Variants in CD24 observed in about 807,000 individuals in gnomAD.
CD24 encodes the protein signal transducer CD24.
A neutral mutation model predicts 3.6 loss-of-function variants in CD24; 2 were observed. That is an observed-to-expected ratio of 0.56 (90% CI 0.23 to 1.77). CD24 has a LOEUF of 1.77. Among genes scored for constraint, CD24 ranks in the 40% most tolerant of loss-of-function variants. CD24 has a pLI of 0.18. For missense variants in CD24, 62 were observed against 93.6 expected (o/e 0.66, Z 1.39); for synonymous variants, 33 against 44.9 (o/e 0.74, Z 1.06).
Position 106,973,108 on chromosome 6 carries a change from G to A in CD24, c.70-1274C>T, listed in dbSNP as rs1773013151. On this transcript the variant is annotated intron_variant, in intron 1 of 1. Transcript: ENST00000606017. ...ACAGGGTGCCTGTTTTGGACACCTTGTTTGGGATCCCGCAAAGTAACCTGT... is the reference window on the plus strand; with the variant it reads ...ACAGGGTGCCTGTTTTGGACACCTTATTTGGGATCCCGCAAAGTAACCTGT... 3.3e-5 allele frequency among the ~76,000 whole-genome samples: 5 copies of A among 152,160 alleles called. No individual in the cohort carries two copies. In the South Asian group the frequency reaches 1.0e-3, roughly 31 times the overall value.
At chr6:106,973,816 G>C in intron 1 of CD24, 1 of 398,550 alleles carries the variant, frequency 2.5e-6, no homozygotes, top group East Asian at 3.6e-5. Flanking sequence ...GGAGGATCTA[G>C]GGAGACCGCG....
In CD24 at chr6:106,971,601, C is replaced by T. The variant is rs1278713757; in HGVS notation, c.*60G>A. 4 of 1,428,132 alleles carry T rather than the reference C, an allele frequency of 2.8e-6. No homozygotes were observed. The highest frequency in any genetic ancestry group is 3.8e-6 in the Non-Finnish European group (4 of 1,050,414). The allele number at this position is 1,428,132 out of a possible 1,614,324, so 88.5% of individuals were successfully genotyped here. ...CCTTGCCACATTGGACTTCCAGACG[C>T]CATTTGGATTGGGTTTAGAAGATGG... On this transcript the variant is annotated 3_prime_UTR_variant, in exon 2 of 2. Transcript: ENST00000606017.
In CD24 at chr6:106,970,180, G is replaced by A. The variant is rs1772935232; in HGVS notation, c.*1481C>T. The A allele has an allele frequency of 1.3e-5, 2 of 152,380 alleles. No homozygotes were observed. Among genetic ancestry groups the A allele is most frequent in the Non-Finnish European group, 2.9e-5 (2 of 68,040 alleles). 9.4% of individuals were successfully genotyped at this position (152,380 alleles called of 1,614,324 possible). On this transcript the variant is annotated 3_prime_UTR_variant, in exon 2 of 2. Coordinates refer to ENST00000606017, the MANE Select transcript of CD24 (RefSeq NM_001359084.1). ...TTTTAAAAAGGTTTATGTGTGTCGA[G>A]GCAGTTGTAAAAGATTTACTGCAGA...
chr6:106,974,846 C>T (rs1489135026), upstream of CD24: 1 of 315,300 alleles, frequency 3.2e-6, no homozygotes. Context: ...TCCCCGCCTT[C>T]CCCGCCCCGC....
intron 1 of CD24, among the ~76,000 whole-genome samples, chr6:106,972,967 A>G (rs1773009816): frequency 6.6e-6 from 1 of 152,226 alleles, no homozygotes. Context: ...CAACAAAAAA[A>G]TCTTGATCAA....
chr6:106,975,206 C>A (rs1773080495), upstream of CD24: 1 of 152,068 alleles, frequency 6.6e-6, no homozygotes, highest in Non-Finnish European at 1.5e-5. Flanking sequence ...CATTGCCACT[C>A]AGACTGCAAA....
At chr6:106,974,506 G>A (rs1773055900) in intron 1 of CD24, 72 bp downstream of exon 1, 6 of 888,392 alleles carry the variant, frequency 6.8e-6, no homozygotes, top group Middle Eastern at 6.8e-4. Context: ...ACGGTCCCCC[G>A]GGACCGGGTC....
chr6:106,971,660 C>T lies in CD24; in HGVS notation c.*1G>A, dbSNP rs1397737549. ...AGAAGACGTTTCTTGGCCTGAGTCT[C>T]TTAAGAGTAGAGATGCAGAAGAGAG... On this transcript the variant is annotated 3_prime_UTR_variant, in exon 2 of 2. Coordinates refer to ENST00000606017, the MANE Select transcript of CD24 (RefSeq NM_001359084.1). 1.0e-5 allele frequency: 16 copies of T among 1,547,140 alleles called. No homozygotes were observed. Among genetic ancestry groups the T allele is most frequent in the African/African-American group, 1.4e-5 (1 of 72,884 alleles).
upstream of CD24, chr6:106,975,290 G>A (rs889360030): frequency 1.3e-5 from 2 of 152,112 alleles, no homozygotes; most frequent in Non-Finnish European, 2.9e-5. Flanking sequence ...GGGACCCCTC[G>A]GGCAGGGTTA....
At position 106,970,734 on chromosome 6, in the gene CD24, C is replaced by G. The variant is rs1772951022; in HGVS notation, c.*927G>C. On this transcript the variant is annotated 3_prime_UTR_variant, in exon 2 of 2. Transcript: ENST00000606017. ...GGCTGAGGCAGGAGAATCGCTTGAG[C>G]CCGGGAGGCAAATGGTACACTGATC... The G allele has an allele frequency of 6.6e-6, 1 of 152,168 alleles. No individual in the cohort carries two copies. The highest frequency in any genetic ancestry group is 2.1e-4 in the South Asian group (1 of 4,828). 9.4% of individuals were successfully genotyped at this position (152,168 alleles called of 1,614,324 possible).
rs1391503161 is a variant in CD24 at position 106,974,663 on chromosome 6, C to A, written c.-17G>T. ...TCTGCCCATGTCCCCTCCGTCGGTGCGCGGCGCGTCTAGCAGGATGCTGGG... is the reference window on the plus strand; with the variant it reads ...TCTGCCCATGTCCCCTCCGTCGGTGAGCGGCGCGTCTAGCAGGATGCTGGG... On this transcript the variant is annotated 5_prime_UTR_variant, in exon 1 of 2. Coordinates refer to ENST00000606017, the MANE Select transcript of CD24 (RefSeq NM_001359084.1). The A allele has an allele frequency of 4.7e-6, 7 of 1,492,788 alleles. No homozygotes were observed. Among genetic ancestry groups the A allele is most frequent in the Non-Finnish European group, 5.3e-6 (6 of 1,125,028 alleles). The allele number at this position is 1,492,788 out of a possible 1,614,324, so 92.5% of individuals were successfully genotyped here. A position where few individuals can be genotyped will look rare whatever the true frequency, so the allele number is the denominator to read the frequency against.
chr6:106,971,691 G>A lies in CD24; in HGVS notation c.213C>T (p.Val71=), dbSNP rs1167733371. ...ALQSTASLFV[V]SLSLLHLYS ...AGTAGAGATGCAGAAGAGAGAGTGA[G>A]ACCACGAAGAGACTGGCTGTTGACT... Residue 71 remains valine, a synonymous_variant, in exon 2 of 2, where the codon GTC becomes GTT. Coordinates refer to ENST00000606017, the MANE Select transcript of CD24 (RefSeq NM_001359084.1). The A allele has an allele frequency of 2.6e-4, 396 of 1,547,072 alleles. 1 individual carries two copies. The highest frequency in any genetic ancestry group is 3.2e-4 in the Non-Finnish European group (370 of 1,143,572).
At chr6:106,974,541 A>C in intron 1 of CD24, 37 bp downstream of exon 1, 12 of 1,300,746 alleles carry the variant, frequency 9.2e-6, no homozygotes, top group Non-Finnish European at 1.2e-5. Flanking sequence ...CCACCCCGGG[A>C]ACGGCCCTCG....
chr6:106,970,526 T>C lies in CD24; in HGVS notation c.*1135A>G, dbSNP rs1318102742. 3.3e-5 allele frequency: 5 copies of C among 152,406 alleles called. No homozygotes were observed. The highest frequency in any genetic ancestry group is 1.3e-4 in the Admixed American group (2 of 15,280). 9.4% of individuals were successfully genotyped at this position (152,406 alleles called of 1,614,324 possible). On this transcript the variant is annotated 3_prime_UTR_variant, in exon 2 of 2. Transcript: ENST00000606017. ...ACATATGCAGAAATAAAAAGCATTT[T>C]GATGGCTGGGCGCGGGGGCTCAAGC...
Position 106,971,827 on chromosome 6 carries a change from G to C in CD24, c.77C>G (p.Ser26Cys), listed in dbSNP as rs1333922691. ...LALLLPTQIY[S>C]SETTTGTSSN... ...TGAAGTTCCAGTTGTTGTTTCACTG[G>C]AATAAATCTAAAATACATAAAAAGT... The change falls in exon 2 of 2, where the codon TCC becomes TGC. Residue 26 changes from serine (S) to cysteine (C), a missense_variant. By Grantham distance (112) the Ser-to-Cys change is moderately radical. Transcript: ENST00000606017. 8.4e-6 allele frequency: 13 copies of C among 1,544,538 alleles called. No homozygotes were observed. The highest frequency in any genetic ancestry group is 2.0e-5 in the Admixed American group (1 of 50,852).
At chr6:106,972,619 G>A (rs903858808) in intron 1 of CD24, among the ~76,000 whole-genome samples, 20 of 152,266 alleles carry the variant, frequency 1.3e-4, no homozygotes, top group African/African-American at 4.3e-4. Context: ...GTGTCCCAGC[G>A]TCTGAGTGGC....
chr6:106,975,456 A>G (rs889265539), upstream of CD24: 11 of 151,504 alleles, frequency 7.3e-5, no homozygotes, highest in Non-Finnish European at 1.3e-4. Flanking sequence ...GTCCGGAGCG[A>G]TCTGCGCGCT....
rs1246575911 is a variant in CD24 at position 106,974,650 on chromosome 6, C to T, written c.-4G>A. ...TGGCCACCATTGCTCTGCCCATGTC[C>T]CCTCCGTCGGTGCGCGGCGCGTCTA... On this transcript the variant is annotated 5_prime_UTR_variant, in exon 1 of 2. Coordinates refer to ENST00000606017, the MANE Select transcript of CD24 (RefSeq NM_001359084.1). The T allele has an allele frequency of 3.3e-6, 5 of 1,494,904 alleles. No individual in the cohort carries two copies. In the East Asian group the frequency reaches 1.1e-4, roughly 34 times the overall value. The allele number at this position is 1,494,904 out of a possible 1,614,324, so 92.6% of individuals were successfully genotyped here.
upstream of CD24, among the ~76,000 whole-genome samples, chr6:106,976,211 T>C (rs1002884827): frequency 2.3e-4 from 35 of 152,374 alleles, no homozygotes; most frequent in African/African-American, 7.9e-4. Flanking sequence ...GTATTTTTGG[T>C]TCAATTTTTA....
Sources: allele counts gnomAD v4.1 joint callset (sites outside exome capture counted in the v4.1 genomes callset), GRCh38; gene constraint gnomAD v4.1.1; transcripts MANE v1.5; gene names NCBI Gene and HGNC (gene_info 2026-07-23, HGNC 2026-07-21).